WWP2: variants seen among roughly 807,000 people sequenced by gnomAD.
WWP2 encodes NEDD4-like E3 ubiquitin-protein ligase WWP2.
WWP2 carries 57 observed loss-of-function variants against 121.0 expected under a neutral mutation model. The ratio of observed to expected loss-of-function variants is 0.47; its 90% CI spans 0.38 to 0.59. WWP2 has a LOEUF of 0.59. Ranked by LOEUF, WWP2 falls within the 20% of genes least tolerant of loss-of-function variation. WWP2 has a pLI of 0.00. For synonymous variants in WWP2, 449 were observed against 441.3 expected (o/e 1.02, Z -0.22); for missense variants, 962 against 1,158.9 (o/e 0.83, Z 2.47).
At chr16:69,794,008 C>T (rs1469424059) in intron 2 of WWP2, among the ~76,000 whole-genome samples, 2 of 145,834 alleles carry the variant, frequency 1.4e-5, no homozygotes, top group Admixed American at 1.5e-4. Context: ...CTTTCTGCCT[C>T]CTGGGTTCAA....
intron 2 of WWP2, among the ~76,000 whole-genome samples, chr16:69,787,406 T>C (rs570622139): frequency 1.8e-4 from 27 of 152,032 alleles, no homozygotes; most frequent in African/African-American, 5.8e-4. Context: ...CTGGGAAACA[T>C]AGGGAAGCCC....
At chr16:69,886,127 G>A (rs1171362910) in intron 7 of WWP2, among the ~76,000 whole-genome samples, 1 of 152,182 alleles carries the variant, frequency 6.6e-6, no homozygotes, top group African/African-American at 2.4e-5. Flanking sequence ...CTGTCACCTA[G>A]GCTGGGTTGC....
chr16:69,852,439 T>A (rs1315482240), intron 6 of WWP2, among the ~76,000 whole-genome samples: 2 of 152,110 alleles, frequency 1.3e-5, no homozygotes, highest in Non-Finnish European at 2.9e-5. Context: ...GCCCAGCTAA[T>A]TTTTTTGTAT....
At chr16:69,786,133 A>T (rs1597663114) in intron 1 of WWP2, 1 of 122,512 alleles carries the variant, frequency 8.2e-6, no homozygotes, top group African/African-American at 2.7e-5. Context: ...CTTTTTGGAG[A>T]TGTCTTTTTT....
At position 69,933,023 on chromosome 16, in the gene WWP2, G is replaced by A. The variant is rs113500623; in HGVS notation, c.1683-947G>A. 1.4e-4 allele frequency: 66 copies of A among 477,580 alleles called. 2 individuals are homozygous for A. Among genetic ancestry groups the A allele is most frequent in the East Asian group, 5.0e-4 (8 of 15,850 alleles). The allele number at this position is 477,580 out of a possible 1,614,324, so 29.6% of individuals were successfully genotyped here. On this transcript the variant is annotated intron_variant, in intron 16 of 23. Transcript: ENST00000359154. ...CCGTGGATGGATGTTCCTTTTTTCC[G>A]TGGTGACCTCCTCTCCAGGCTCTGC...
chr16:69,875,983 T>C (rs1033535957), intron 7 of WWP2, among the ~76,000 whole-genome samples: 3 of 152,216 alleles, frequency 2.0e-5, no homozygotes, highest in Admixed American at 2.0e-4. Context: ...AGATGGAGTT[T>C]TGCTCTTGTT....
intron 6 of WWP2, among the ~76,000 whole-genome samples, chr16:69,858,909 G>A (rs539465585): frequency 3.3e-5 from 5 of 152,242 alleles, no homozygotes; most frequent in African/African-American, 1.2e-4. Context: ...CTGCTCCTTC[G>A]ACATGGGCAC....
At chr16:69,840,103 A>G (rs756155464) in intron 4 of WWP2, 23 bp from the exon 5 acceptor site, 9 of 1,613,978 alleles carry the variant, frequency 5.6e-6, no homozygotes, top group East Asian at 2.2e-5. Flanking sequence ...TAGCCCATCC[A>G]TGTTGCCTTT....
At chr16:69,909,573 C>G in intron 9 of WWP2, 1 of 985,418 alleles carries the variant, frequency 1.0e-6, no homozygotes, top group Non-Finnish European at 1.2e-6. Flanking sequence ...CAGTAGAATG[C>G]TTGAGTTTTC....
chr16:69,931,127 C>T, intron 13 of WWP2, 25 bp from the exon 14 acceptor site: 1 of 1,611,098 alleles, frequency 6.2e-7, no homozygotes, highest in East Asian at 2.2e-5. Context: ...TCGCATGAAC[C>T]CCTGAACATC....
chr16:69,936,526 C>T, intron 19 of WWP2, 74 bp downstream of exon 19: 1 of 1,591,390 alleles, frequency 6.3e-7, no homozygotes, highest in Non-Finnish European at 8.6e-7. Flanking sequence ...AAAGATGGGC[C>T]CCCACCTGTG....
At chr16:69,848,304 G>C (rs1048565516) in intron 6 of WWP2, among the ~76,000 whole-genome samples, 2 of 152,032 alleles carry the variant, frequency 1.3e-5, no homozygotes, top group African/African-American at 4.8e-5. Flanking sequence ...TACAAAGTTA[G>C]CCAGGCGTGG....
At chr16:69,779,361 C>T (rs2055614830) in intron 1 of WWP2, among the ~76,000 whole-genome samples, 1 of 152,188 alleles carries the variant, frequency 6.6e-6, no homozygotes, top group African/African-American at 2.4e-5. Flanking sequence ...GAACTCCAGA[C>T]AAAGCTCTAT....
rs573540603 is a variant in WWP2, at chr16:69,937,190, G to A, written c.2190G>A (p.Glu730=). Residue 730 remains glutamate (E), a synonymous_variant, in exon 20 of 24, where the codon GAG becomes GAA. Coordinates refer to ENST00000359154, the MANE Select transcript of WWP2 (RefSeq NM_001270454.2). This position sits in a 1 kb window ranked among gnomAD's most constrained non-coding sequence, Gnocchi z 6.6. ...QTKAFLDGFN[E]VAPLEWLRYF... ...AAGCCTTCCTGGATGGCTTCAACGA[G>A]GTGGCCCCGCTGGAGTGGCTGCGCT... 6.2e-7 allele frequency: 1 copy of A among 1,613,976 alleles called. No individual in the cohort carries two copies. Among genetic ancestry groups the A allele is most frequent in the Non-Finnish European group, 8.5e-7 (1 of 1,179,996 alleles).
chr16:69,919,812 A>G (rs1265989312), intron 10 of WWP2, among the ~76,000 whole-genome samples: 2 of 135,672 alleles, frequency 1.5e-5, no homozygotes, highest in Admixed American at 7.7e-5. Flanking sequence ...TTTTTTTGAG[A>G]CAAGGTCTCA....
intron 4 of WWP2, among the ~76,000 whole-genome samples, chr16:69,811,686 A>G (rs1187279363): frequency 6.6e-6 from 1 of 152,162 alleles, no homozygotes; most frequent in Non-Finnish European, 1.5e-5. Context: ...CACAGGACTT[A>G]GAGGCTGCAG....
intron 7 of WWP2, among the ~76,000 whole-genome samples, chr16:69,881,382 A>T (rs760658141): frequency 6.6e-6 from 1 of 152,204 alleles, no homozygotes; most frequent in Non-Finnish European, 1.5e-5. Flanking sequence ...TATCTTCCTC[A>T]TAAGGGCATT....
intron 13 of WWP2, 80 bp from the exon 14 acceptor site, chr16:69,931,072 C>T (rs1567440711): frequency 1.4e-5 from 19 of 1,380,878 alleles, no homozygotes; most frequent in Non-Finnish European, 1.5e-5. Flanking sequence ...ATAGCACCAG[C>T]TTTCCTTAGG....
At chr16:69,849,565 G>C (rs1597050806) in intron 6 of WWP2, among the ~76,000 whole-genome samples, 2 of 151,966 alleles carry the variant, frequency 1.3e-5, no homozygotes, top group East Asian at 3.9e-4. Flanking sequence ...TGTAGGCAGG[G>C]CTTTCTTCTG....
Sources: gnomAD v4.1 joint callset for allele counts (sites outside exome capture counted in the v4.1 genomes callset) on GRCh38, gnomAD v4.1.1 for gene constraint, Gnocchi (gnomAD v3.1) non-coding constraint, MANE v1.5 for transcripts, NCBI Gene and HGNC (gene_info 2026-07-23, HGNC 2026-07-21) for gene names.